Variants in NELL1 observed in about 807,000 individuals in gnomAD.
The protein encoded by NELL1 is neural EGFL like 1.
A neutral mutation model predicts 107.4 loss-of-function variants in NELL1; 76 were observed. That is an observed-to-expected ratio of 0.71 (90% CI 0.59 to 0.86). The LOEUF (loss-of-function observed/expected upper bound fraction) is 0.86. Ranked by LOEUF, NELL1 falls within the 40% of genes least tolerant of loss-of-function variation. The pLI is 0.00. For synonymous variants in NELL1, 353 were observed against 341.2 expected, an observed-to-expected ratio of 1.03 and a Z score of -0.38; for missense variants, 1,024 against 1,005.5, an observed-to-expected ratio of 1.02 and a Z score of -0.25.
intron 12 of NELL1, among the ~76,000 whole-genome samples, chr11:21,036,498 C>G (rs1853095932): frequency 6.6e-6 from 1 of 152,096 alleles, no homozygotes; most frequent in African/African-American, 2.4e-5. Context: ...GCTACAGTAA[C>G]CAAAACAGCA....
intron 13 of NELL1, among the ~76,000 whole-genome samples, chr11:21,184,453 A>T (rs1434610762): frequency 6.6e-6 from 1 of 151,678 alleles, no homozygotes; most frequent in Non-Finnish European, 1.5e-5. Flanking sequence ...TATTTTTAGT[A>T]GAGATGGGGT....
At chr11:20,778,421 C>G (rs2133976817) in intron 2 of NELL1, among the ~76,000 whole-genome samples, 1 of 149,492 alleles carries the variant, frequency 6.7e-6, no homozygotes, top group South Asian at 2.1e-4. Context: ...GAAGTTGCTT[C>G]TATTTGAGGC....
intron 14 of NELL1, among the ~76,000 whole-genome samples, chr11:21,323,515 G>A (rs1274636392): frequency 1.3e-5 from 2 of 152,042 alleles, no homozygotes; most frequent in Non-Finnish European, 2.9e-5. Context: ...TATAAATGTA[G>A]TAAAATATTT....
intron 16 of NELL1, among the ~76,000 whole-genome samples, chr11:21,535,403 T>C (rs76578363): frequency 6.6e-6 from 1 of 152,192 alleles, no homozygotes; most frequent in Non-Finnish European, 1.5e-5. Flanking sequence ...TGATTTTGAA[T>C]ATTTGTTTTC....
chr11:21,166,817 T>A (rs1021568107), intron 13 of NELL1, among the ~76,000 whole-genome samples: 5 of 151,914 alleles, frequency 3.3e-5, no homozygotes, highest in Non-Finnish European at 7.4e-5. Flanking sequence ...AAAATGCTAG[T>A]TGACCACTCA....
At chr11:21,202,566 C>CA (rs1306356949) in intron 13 of NELL1, among the ~76,000 whole-genome samples, 2 of 151,982 alleles carry the variant, frequency 1.3e-5, no homozygotes, top group Admixed American at 1.3e-4. Context: ...TTGATCTTTT[C>CA]AAAAAACCAC....
rs142783646 is a variant in NELL1, at chr11:21,526,839, A to C, written c.1646-7535A>C. ...GCAGAGGGGCCCTGGACTCAGCCCCAAAAACCACTTTTCCCTCCTAGGCCT... is the reference window on the plus strand; with the variant it reads ...GCAGAGGGGCCCTGGACTCAGCCCCCAAAACCACTTTTCCCTCCTAGGCCT... On this transcript the variant is annotated intron_variant, in intron 15 of 19. Coordinates refer to ENST00000357134, the MANE Select transcript of NELL1 (RefSeq NM_006157.5). 9.5e-3 allele frequency among the ~76,000 whole-genome samples: 1,452 copies of C among 152,322 alleles called. 21 individuals are homozygous for C. The highest frequency in any genetic ancestry group is 0.033 in the African/African-American group (1,384 of 41,584).
At chr11:21,140,661 G>A (rs1855845345) in intron 13 of NELL1, among the ~76,000 whole-genome samples, 1 of 152,046 alleles carries the variant, frequency 6.6e-6, no homozygotes, top group South Asian at 2.1e-4. Context: ...TATATTTTTT[G>A]TTTAGGTCAT....
intron 13 of NELL1, among the ~76,000 whole-genome samples, chr11:21,154,196 A>T (rs964568795): frequency 6.6e-6 from 1 of 152,118 alleles, no homozygotes; most frequent in Non-Finnish European, 1.5e-5. Flanking sequence ...ATGAATTGCT[A>T]CCTCTCTTAA....
chr11:20,976,695 TTAA>T (rs1368506395), intron 12 of NELL1, among the ~76,000 whole-genome samples: 3 of 152,188 alleles, frequency 2.0e-5, no homozygotes, highest in African/African-American at 2.4e-5. Flanking sequence ...CACATGAAAC[TTAA>T]TATCATTCCA....
chr11:21,221,849 T>C (rs1226307940), intron 13 of NELL1, among the ~76,000 whole-genome samples: 1 of 151,448 alleles, frequency 6.6e-6, no homozygotes, highest in African/African-American at 2.4e-5. Context: ...TGGGCCACCA[T>C]ACCTGGATAA....
intron 14 of NELL1, among the ~76,000 whole-genome samples, chr11:21,326,927 C>T (rs1319503449): frequency 2.0e-5 from 3 of 151,906 alleles, no homozygotes; most frequent in Non-Finnish European, 2.9e-5. Context: ...TTGTTTTCTA[C>T]GTCTTGTGTC....
At chr11:20,693,457 C>G (rs1373679737) in intron 2 of NELL1, among the ~76,000 whole-genome samples, 2 of 152,072 alleles carry the variant, frequency 1.3e-5, no homozygotes, top group African/African-American at 2.4e-5. Context: ...GTGCTTCCTT[C>G]AGGAGCTCTT....
chr11:21,410,949 G>T (rs913651028), intron 15 of NELL1, among the ~76,000 whole-genome samples: 5 of 152,022 alleles, frequency 3.3e-5, no homozygotes, highest in African/African-American at 9.7e-5. Flanking sequence ...GGTTCATATG[G>T]TGATATCTTC....
chr11:21,060,922 A>G (rs932807486), intron 12 of NELL1, among the ~76,000 whole-genome samples: 4 of 152,108 alleles, frequency 2.6e-5, no homozygotes, highest in African/African-American at 9.7e-5. Flanking sequence ...TTTTTAGTAG[A>G]GATGGGGTTT....
chr11:21,156,198 C>T (rs1049489906), intron 13 of NELL1, among the ~76,000 whole-genome samples: 2 of 152,110 alleles, frequency 1.3e-5, no homozygotes, highest in Non-Finnish European at 2.9e-5. Flanking sequence ...CTGCAGAAAA[C>T]ACAGCATCCT....
chr11:21,488,297 TA>T (rs949049894), intron 15 of NELL1, among the ~76,000 whole-genome samples: 215 of 145,792 alleles, frequency 1.5e-3, no homozygotes, highest in African/African-American at 3.7e-3. Flanking sequence ...CTCAACCAAT[TA>T]AAAAAAAAAA....
intron 14 of NELL1, among the ~76,000 whole-genome samples, chr11:21,344,440 A>G (rs960887905): frequency 1.3e-5 from 2 of 152,178 alleles, no homozygotes; most frequent in Non-Finnish European, 2.9e-5. Context: ...TTGGTTGTGT[A>G]AACCCAGACA....
intron 9 of NELL1, among the ~76,000 whole-genome samples, chr11:20,933,429 G>T (rs1850658244): frequency 6.6e-6 from 1 of 152,184 alleles, no homozygotes; most frequent in South Asian, 2.1e-4. Context: ...GCAGTATGGG[G>T]AGCAATACAT....
Sources: gnomAD v4.1 joint callset for allele counts (sites outside exome capture counted in the v4.1 genomes callset) on GRCh38, gnomAD v4.1.1 for gene constraint, MANE v1.5 for transcripts, NCBI Gene and HGNC (gene_info 2026-07-23, HGNC 2026-07-21) for gene names.